The following ABHD12 variants were observed in gnomAD, a reference collection of about 807,000 sequenced individuals.
ABHD12 encodes abhydrolase domain containing 12, lysophospholipase.
ABHD12 carries 43 observed loss-of-function variants against 58.3 expected under a neutral mutation model. The ratio of observed to expected loss-of-function variants is 0.74; its 90% confidence interval spans 0.58 to 0.95. The LOEUF is 0.95. Among genes scored for constraint, ABHD12 ranks in the 40% least tolerant of loss-of-function variants. The pLI, the probability that ABHD12 is intolerant of heterozygous loss-of-function variation, is 0.00. For synonymous variants in ABHD12, 219 were observed against 211.2 expected (o/e 1.04, Z -0.32); for missense variants, 539 against 537.2 (o/e 1.00, Z -0.03).
At position 25,323,296 on chromosome 20, in the gene ABHD12, G is replaced by A. The variant is rs62213662; in HGVS notation, c.422+29C>T. ...CATGTAGGGTCCTTTCCTGCTGCTG[G>A]AGGGGCTGCAGAGCTCACTGGCACT... On this transcript the variant is annotated intron_variant, in intron 3 of 12. Coordinates refer to ENST00000339157, the MANE Select transcript of ABHD12 (RefSeq NM_001042472.3). 116,705 of 1,432,034 alleles carry A rather than the reference G, an allele frequency of 0.081. 5,667 individuals carry two copies. Among genetic ancestry groups the A allele is most frequent in the Admixed American group, 0.15 (8,850 of 59,794 alleles). The allele number at this position is 1,432,034 out of a possible 1,614,324, so 88.7% of individuals were successfully genotyped here. A position where few individuals can be genotyped will look rare whatever the true frequency, so the allele number is the denominator to read the frequency against.
downstream of ABHD12, chr20:25,297,311 GA>G (rs1176167322): frequency 6.6e-6 from 1 of 152,304 alleles, no homozygotes; most frequent in African/African-American, 2.4e-5. Flanking sequence ...ACATGGAAAT[GA>G]AACTAGCTGA....
chr20:25,342,015 C>T (rs933252805), intron 1 of ABHD12, among the ~76,000 whole-genome samples: 4 of 144,086 alleles, frequency 2.8e-5, no homozygotes, highest in Non-Finnish European at 6.0e-5. Context: ...TTTTGTGCCT[C>T]AAGAGAAAGG....
At chr20:25,387,661 G>A (rs1489146837) in intron 1 of ABHD12, among the ~76,000 whole-genome samples, 1 of 150,782 alleles carries the variant, frequency 6.6e-6, no homozygotes, top group Non-Finnish European at 1.5e-5. Context: ...GATCGCCTGA[G>A]CCCAGGAGGT....
At chr20:25,328,835 TC>T in intron 2 of ABHD12, among the ~76,000 whole-genome samples, 1 of 152,130 alleles carries the variant, frequency 6.6e-6, no homozygotes, top group East Asian at 1.9e-4. Flanking sequence ...CACCTTCTCT[TC>T]CACAGCAGCA....
intron 1 of ABHD12, among the ~76,000 whole-genome samples, chr20:25,378,585 C>T (rs1437858199): frequency 6.6e-6 from 1 of 152,114 alleles, no homozygotes; most frequent in Non-Finnish European, 1.5e-5. Context: ...ATCAAAATGA[C>T]CGGCATTGAC....
chr20:25,362,092 T>C (rs1384572348), intron 1 of ABHD12, among the ~76,000 whole-genome samples: 2 of 149,474 alleles, frequency 1.3e-5, no homozygotes, highest in Non-Finnish European at 3.0e-5. Flanking sequence ...CTGGCCAACA[T>C]GGTGAAAACC....
chr20:25,371,885 T>C (rs996910650), intron 1 of ABHD12, among the ~76,000 whole-genome samples: 2 of 152,236 alleles, frequency 1.3e-5, no homozygotes, highest in Non-Finnish European at 1.5e-5. Flanking sequence ...AAGTCATCAA[T>C]TGAAGATCTT....
intron 1 of ABHD12, among the ~76,000 whole-genome samples, chr20:25,388,511 G>A (rs2090124865): frequency 6.6e-6 from 1 of 152,204 alleles, no homozygotes; most frequent in Admixed American, 6.5e-5. Flanking sequence ...GTGGCGCAGA[G>A]CCTGAGCGAG....
At chr20:25,379,365 T>C (rs1033641932) in intron 1 of ABHD12, among the ~76,000 whole-genome samples, 2 of 152,220 alleles carry the variant, frequency 1.3e-5, no homozygotes, top group Admixed American at 1.3e-4. Flanking sequence ...CTTTTCCCTC[T>C]GCCCTCCTAG....
intron 1 of ABHD12, among the ~76,000 whole-genome samples, chr20:25,379,035 G>A (rs1311887529): frequency 6.6e-6 from 1 of 152,228 alleles, no homozygotes; most frequent in Non-Finnish European, 1.5e-5. Flanking sequence ...GGGGCCGAGA[G>A]TTCTGCCTGG....
chr20:25,386,297 C>T (rs1295144006), intron 1 of ABHD12, among the ~76,000 whole-genome samples: 2 of 145,270 alleles, frequency 1.4e-5, no homozygotes, highest in Non-Finnish European at 1.5e-5. Context: ...CTTGCTCTGT[C>T]GCCCAGGCTG....
intron 1 of ABHD12, chr20:25,368,578 C>A (rs189683954): frequency 1.4e-4 from 203 of 1,400,274 alleles, no homozygotes; most frequent in Non-Finnish European, 1.9e-4. Flanking sequence ...GAAGTCACCA[C>A]CCTGATACAT....
chr20:25,373,130 A>G (rs2089919284), intron 1 of ABHD12, among the ~76,000 whole-genome samples: 1 of 152,164 alleles, frequency 6.6e-6, no homozygotes, highest in Non-Finnish European at 1.5e-5. Context: ...GTTTGTGTAA[A>G]TACACTCTGA....
At chr20:25,306,313 C>G (rs2088740418) in intron 10 of ABHD12, among the ~76,000 whole-genome samples, 1 of 152,046 alleles carries the variant, frequency 6.6e-6, no homozygotes, top group Non-Finnish European at 1.5e-5. Flanking sequence ...TGCTTTACTT[C>G]TATAATCTTT....
chr20:25,381,575 G>T (rs1372096471), intron 1 of ABHD12, among the ~76,000 whole-genome samples: 1 of 151,486 alleles, frequency 6.6e-6, no homozygotes, highest in Non-Finnish European at 1.5e-5. Flanking sequence ...GCAGAAAAGG[G>T]TAGAAGAAAA....
chr20:25,296,236 T>C, downstream of ABHD12: 1 of 1,083,608 alleles, frequency 9.2e-7, no homozygotes, highest in Non-Finnish European at 1.4e-6. Context: ...GTGATTGTAA[T>C]GTCCTCCTCT....
intron 11 of ABHD12, 107 bp downstream of exon 11, chr20:25,303,443 C>G: frequency 6.5e-7 from 1 of 1,545,004 alleles, no homozygotes; most frequent in South Asian, 1.2e-5. Flanking sequence ...GCCCGTGATG[C>G]AGCATGCAGG....
rs147024121 is a variant in ABHD12 at position 25,320,130 on chromosome 20, G to A, written c.542+69C>T. On this transcript the variant is annotated intron_variant, in intron 4 of 12. Transcript: ENST00000339157. ...GCTCCTGCTGGTTTCCGGCAGACCG[G>A]GCCAGGACATTCCCACCCCAAAAAG... is the stretch of plus-strand genomic sequence containing the variant. 128 of 1,603,102 alleles carry A rather than the reference G, an allele frequency of 8.0e-5. No individual in the cohort carries two copies. In the East Asian group the frequency reaches 2.0e-3, roughly 25 times the overall value.
intron 1 of ABHD12, among the ~76,000 whole-genome samples, chr20:25,356,861 G>A (rs372142196): frequency 5.1e-4 from 77 of 152,270 alleles, no homozygotes; most frequent in Non-Finnish European, 9.1e-4. Context: ...CAATGAGGCC[G>A]CACAGTGCAC....
Sources: gnomAD v4.1 joint callset for allele counts (sites outside exome capture counted in the v4.1 genomes callset) on GRCh38, gnomAD v4.1.1 for gene constraint, MANE v1.5 for transcripts, NCBI Gene and HGNC (gene_info 2026-07-23, HGNC 2026-07-21) for gene names.